Variants in LAMA3 observed in about 807,000 individuals in gnomAD.
The protein encoded by LAMA3 is laminin subunit alpha 3.
LAMA3 carries 281 observed loss-of-function variants against 402.0 expected under a neutral mutation model. The observed-to-expected ratio is 0.70, with a 90% CI of 0.63 to 0.77. LAMA3 has a LOEUF of 0.77. LAMA3 is among the 30% of genes least tolerant of loss of function. The probability of loss-of-function intolerance (pLI) is 0.00; values close to 1 mark genes in which losing one functional copy is unlikely to be tolerated. For missense variants in LAMA3, 3,840 were observed against 4,215.5 expected (o/e 0.91, Z 2.47); for synonymous variants, 1,431 against 1,558.4 (o/e 0.92, Z 1.93).
At chr18:23,734,384 G>C (rs1476005574) in intron 2 of LAMA3, among the ~76,000 whole-genome samples, 1 of 152,200 alleles carries the variant, frequency 6.6e-6, no homozygotes, top group African/African-American at 2.4e-5. Flanking sequence ...TGTGTCCTTG[G>C]GTGAGAAGAG....
At chr18:23,921,644 C>T (rs45523939) in intron 62 of LAMA3, 59 bp downstream of exon 62, 18,272 of 1,559,586 alleles carry the variant, frequency 0.012, 127 homozygotes, top group Non-Finnish European at 0.014. Flanking sequence ...TGATTGTGAC[C>T]AAAAAAAATC....
chr18:23,924,867 C>A (rs1012596443), intron 62 of LAMA3, among the ~76,000 whole-genome samples: 1 of 152,142 alleles, frequency 6.6e-6, no homozygotes, highest in African/African-American at 2.4e-5. Flanking sequence ...TTATTAAAAT[C>A]ACTGGAACAT....
chr18:23,833,714 T>C, intron 23 of LAMA3, 114 bp from the exon 24 acceptor site: 2 of 1,144,426 alleles, frequency 1.7e-6, no homozygotes, highest in African/African-American at 3.0e-5. Context: ...TGGGATGACA[T>C]ATAAAAATAC....
At chr18:23,703,448 T>C (rs1297309498) in intron 1 of LAMA3, among the ~76,000 whole-genome samples, 1 of 152,160 alleles carries the variant, frequency 6.6e-6, no homozygotes, top group Non-Finnish European at 1.5e-5. Flanking sequence ...TACTCCAAAA[T>C]GTAGAGTAGT....
At chr18:23,704,320 C>A (rs921435515) in intron 1 of LAMA3, among the ~76,000 whole-genome samples, 2 of 152,132 alleles carry the variant, frequency 1.3e-5, no homozygotes, top group Non-Finnish European at 2.9e-5. Flanking sequence ...AAGACAGCAC[C>A]TTTTGATGTA....
intron 34 of LAMA3, among the ~76,000 whole-genome samples, chr18:23,859,734 T>C (rs555335312): frequency 5.3e-5 from 8 of 152,286 alleles, no homozygotes; most frequent in African/African-American, 1.9e-4. Flanking sequence ...ATTTAGGGTT[T>C]TTTGTTTGTT....
At chr18:23,747,067 G>A (rs1461321280) in intron 2 of LAMA3, among the ~76,000 whole-genome samples, 1 of 152,066 alleles carries the variant, frequency 6.6e-6, no homozygotes, top group African/African-American at 2.4e-5. Flanking sequence ...ACAGTCACCG[G>A]GAAATCTGTT....
Position 23,864,646 on chromosome 18 carries a change from C to T in LAMA3, c.4585-139C>T, listed in dbSNP as rs557904066. ...AGAAAAAATACCATCCTCAACCCCA[C>T]CTCCTAGATACAACCCTTGTTACCA... On this transcript the variant is annotated intron_variant, in intron 35 of 74. Transcript: ENST00000313654. 116 of 691,428 alleles carry T rather than the reference C, an allele frequency of 1.7e-4. 1 individual carries two copies. The highest frequency in any genetic ancestry group is 1.2e-3 in the South Asian group (80 of 65,396). The allele number at this position is 691,428 out of a possible 1,614,324, so 42.8% of individuals were successfully genotyped here. A position where few individuals can be genotyped will look rare whatever the true frequency, so the allele number is the denominator to read the frequency against.
Position 23,770,931 on chromosome 18 carries a change from G to A in LAMA3, c.1183-2566G>A, listed in dbSNP as rs550109155. Reference sequence around the variant, plus strand: ...AAGGCTGACAACATCAAATTTTGGTGAGAATGTGGAATAACCACACCTATT... The same window carrying A: ...AAGGCTGACAACATCAAATTTTGGTAAGAATGTGGAATAACCACACCTATT... On this transcript the variant is annotated intron_variant, in intron 8 of 74. Transcript: ENST00000313654. Among the ~76,000 whole-genome samples, 9 of 152,226 alleles carry A rather than the reference G, an allele frequency of 5.9e-5. No homozygotes were observed. The South Asian group carries it at 1.9e-3, about 32-fold the overall frequency.
At position 23,908,983 on chromosome 18, in the gene LAMA3, G is replaced by A. The variant is rs1893289; in HGVS notation, c.7016-170G>A. Among the ~76,000 whole-genome samples the A allele has an allele frequency of 0.77, 116,515 of 152,154 alleles. 44,854 individuals are homozygous for A. Among genetic ancestry groups the A allele is most frequent in the Middle Eastern group, 0.85 (250 of 294 alleles). On this transcript the variant is annotated intron_variant, in intron 54 of 74. Coordinates refer to ENST00000313654, the MANE Select transcript of LAMA3 (RefSeq NM_198129.4). ...TTGATAGCAAGTACTTGAAACCTTG[G>A]GAAGTGAAACCATGGGTAAGGGGGG...
rs753622480 is a variant in LAMA3, at chr18:23,784,088, C to T, written c.1534C>T (p.Arg512Cys). ...TGATGCCCACGGACGGTGCCTGTGC[C>T]GCCCTGGGGTTGAGGGCCCTCGATG... ...ICDAHGRCLC[R>C]PGVEGPRCDT... The change falls in exon 12 of 75, where the codon CGC (arginine) becomes TGC (cysteine). Residue 512 changes from arginine to cysteine, a missense_variant. Arg to Cys is a radical substitution (Grantham distance 180). This residue lies in a region of LAMA3 where 2,109 missense variants were observed against 2,376.0 expected (regional missense o/e 0.89). Coordinates refer to ENST00000313654, the MANE Select transcript of LAMA3 (RefSeq NM_198129.4). The T allele has an allele frequency of 1.2e-5, 20 of 1,613,964 alleles. No homozygotes were observed. Among genetic ancestry groups the T allele is most frequent in the South Asian group, 8.8e-5 (8 of 91,068 alleles).
At position 23,881,923 on chromosome 18, in the gene LAMA3, C is replaced by T. The variant is rs760133745; in HGVS notation, c.5113-13C>T. 11 of 1,578,616 alleles carry T rather than the reference C, an allele frequency of 7.0e-6. No homozygotes were observed. Among genetic ancestry groups the T allele is most frequent in the South Asian group, 3.3e-5 (3 of 90,118 alleles). Reference sequence around the variant, plus strand: ...ACTGGCTGCTGTGAATTGTGCTGTTCACCTGTCCCCAGAACTGTCAGCACA... The same window carrying T: ...ACTGGCTGCTGTGAATTGTGCTGTTTACCTGTCCCCAGAACTGTCAGCACA... On this transcript the variant is annotated splice_polypyrimidine_tract_variant and intron_variant, in intron 39 of 74. Transcript: ENST00000313654.
intron 8 of LAMA3, among the ~76,000 whole-genome samples, chr18:23,769,477 T>A (rs758075394): frequency 1.3e-5 from 2 of 152,154 alleles, no homozygotes; most frequent in African/African-American, 2.4e-5. Flanking sequence ...AATACAATAT[T>A]AACTCTAATT....
At chr18:23,938,667 G>A (rs570159661) in intron 67 of LAMA3, among the ~76,000 whole-genome samples, 1 of 151,572 alleles carries the variant, frequency 6.6e-6, no homozygotes, top group African/African-American at 2.4e-5. Context: ...TCTCGGTGCC[G>A]CTGGCCAAAT....
chr18:23,733,121 T>G (rs2061419634), intron 2 of LAMA3, among the ~76,000 whole-genome samples: 1 of 152,128 alleles, frequency 6.6e-6, no homozygotes, highest in African/African-American at 2.4e-5. Flanking sequence ...CCTAGGTTTC[T>G]AGTTCAGTGG....
intron 67 of LAMA3, among the ~76,000 whole-genome samples, chr18:23,938,558 A>G (rs1162433195): frequency 3.9e-5 from 6 of 151,900 alleles, no homozygotes; most frequent in African/African-American, 7.3e-5. Flanking sequence ...CTCTCCTGCT[A>G]TCTTGGTCCT....
At chr18:23,872,919 T>C in intron 38 of LAMA3, 1 of 1,201,224 alleles carries the variant, frequency 8.3e-7, no homozygotes, top group Non-Finnish European at 1.2e-6. Flanking sequence ...AGTTTAAAGG[T>C]GGGGCCCCTG....
chr18:23,934,093 G>A (rs979310165), intron 67 of LAMA3, among the ~76,000 whole-genome samples, 158 bp downstream of exon 67: 1 of 152,138 alleles, frequency 6.6e-6, no homozygotes, highest in Non-Finnish European at 1.5e-5. Flanking sequence ...ATGTCAAAAT[G>A]GTTTTCTTTT....
chr18:23,841,765 TTTAA>T (rs1352206975), intron 27 of LAMA3, among the ~76,000 whole-genome samples: 2 of 152,010 alleles, frequency 1.3e-5, no homozygotes, highest in Non-Finnish European at 2.9e-5. Context: ...TCTACAAAAA[TTTAA>T]TAATTACCCA....
Sources: allele counts gnomAD v4.1 joint callset (sites outside exome capture counted in the v4.1 genomes callset), GRCh38; gene constraint gnomAD v4.1.1; regional missense constraint gnomAD v4.1.1; transcripts MANE v1.5; gene names NCBI Gene and HGNC (gene_info 2026-07-23, HGNC 2026-07-21).